The following FANCC variants were observed in gnomAD, a reference collection of about 807,000 sequenced individuals.
The protein encoded by FANCC is Fanconi anemia group C protein.
A neutral mutation model predicts 71.3 loss-of-function variants in FANCC; 55 were observed. That is an observed-to-expected ratio of 0.77 (90% confidence interval 0.62 to 0.97). The LOEUF (loss-of-function observed/expected upper bound fraction) is 0.97. Ranked by LOEUF, FANCC falls within the 50% of genes least tolerant of loss-of-function variation. The pLI, the probability that FANCC is intolerant of heterozygous loss-of-function variation, is 0.00. For synonymous variants in FANCC, 275 were observed against 244.9 expected (o/e 1.12, Z -1.15); for missense variants, 678 against 670.9 (o/e 1.01, Z -0.12).
At chr9:95,183,448 G>A (rs534519248) in intron 4 of FANCC, among the ~76,000 whole-genome samples, 51 of 152,350 alleles carry the variant, frequency 3.3e-4, no homozygotes, top group Middle Eastern at 6.8e-3. Flanking sequence ...CAAGAGCACA[G>A]ATTGCTCTCT....
chr9:95,292,587 C>A, intron 1 of FANCC: 3 of 1,461,346 alleles, frequency 2.1e-6, no homozygotes, highest in Non-Finnish European at 1.9e-6. Flanking sequence ...GCCCAACATC[C>A]TGTGCACCGT....
Position 95,142,821 on chromosome 9 carries a change from A to G in FANCC, c.686+7102T>C, listed in dbSNP as rs1209275004. 2.6e-5 allele frequency among the ~76,000 whole-genome samples: 4 copies of G among 152,106 alleles called. No homozygotes were observed. In the East Asian group the frequency reaches 7.7e-4, roughly 29 times the overall value. ...TATGTCAGTCACTCCCACTACTTAG[A>G]AGCTGTTTTTACTCACAGAGCACTT... is the stretch of plus-strand genomic sequence containing the variant. On this transcript the variant is annotated intron_variant, in intron 7 of 14. Coordinates refer to ENST00000289081, the MANE Select transcript of FANCC (RefSeq NM_000136.3).
chr9:95,140,476 AAAAACAAAAC>A (rs3837275), intron 7 of FANCC, among the ~76,000 whole-genome samples: 1 of 151,634 alleles, frequency 6.6e-6, no homozygotes, highest in Non-Finnish European at 1.5e-5. Context: ...ATAGCTACAA[AAAAACAAAAC>A]AAAACAAAAC....
intron 4 of FANCC, among the ~76,000 whole-genome samples, chr9:95,229,911 T>A (rs557213994): frequency 6.6e-6 from 1 of 152,270 alleles, no homozygotes; most frequent in South Asian, 2.1e-4. Flanking sequence ...AGGGAAAAAA[T>A]TCTGAATTAT....
intron 4 of FANCC, among the ~76,000 whole-genome samples, chr9:95,175,381 A>T (rs1825950108): frequency 6.6e-6 from 1 of 152,218 alleles, no homozygotes; most frequent in Non-Finnish European, 1.5e-5. Context: ...GGGTAAAAAC[A>T]GGAACCTTAC....
At chr9:95,163,916 TTTTA>T (rs374096795) in intron 6 of FANCC, among the ~76,000 whole-genome samples, 84 of 152,344 alleles carry the variant, frequency 5.5e-4, no homozygotes, top group African/African-American at 1.8e-3. Context: ...TGGGATATCT[TTTTA>T]TTTATTTATG....
chr9:95,247,357 T>C, intron 3 of FANCC, 75 bp downstream of exon 3: 1 of 1,086,998 alleles, frequency 9.2e-7, no homozygotes, highest in Non-Finnish European at 1.4e-6. Flanking sequence ...GGAGAAAGGT[T>C]CATAATGTAA....
In FANCC at chr9:95,249,259, A is replaced by G; in HGVS notation, c.33T>C (p.Asp11=). MAQDSVDLSC[D]YQFWMQKLSV... ...AAAGCTTCTGCATCCAAAACTGATA[A>G]TCACAAGAAAGATCTACTGAATCTT... The change falls in exon 2 of 15, where the codon GAT becomes GAC. Residue 11 remains aspartate, a synonymous_variant. Transcript: ENST00000289081. The G allele has an allele frequency of 6.2e-7, 1 of 1,614,152 alleles. No individual in the cohort carries two copies. Among genetic ancestry groups the G allele is most frequent in the East Asian group, 2.2e-5 (1 of 44,878 alleles).
chr9:95,289,608 A>C (rs763426605), intron 1 of FANCC, among the ~76,000 whole-genome samples: 2 of 152,226 alleles, frequency 1.3e-5, no homozygotes, highest in African/African-American at 4.8e-5. Flanking sequence ...TTGTTCATTC[A>C]AATTTTTAAA....
At chr9:95,180,534 T>G (rs1038974572) in intron 4 of FANCC, among the ~76,000 whole-genome samples, 6 of 151,916 alleles carry the variant, frequency 3.9e-5, no homozygotes, top group Non-Finnish European at 8.8e-5. Flanking sequence ...GAGGTAGGTC[T>G]CAGTATGTCA....
chr9:95,126,830 T>A (rs1826057775), intron 8 of FANCC: 2 of 483,248 alleles, frequency 4.1e-6, no homozygotes, highest in African/African-American at 3.9e-5. Flanking sequence ...ACATTTTCTA[T>A]AAAAGCTCAG....
intron 4 of FANCC, among the ~76,000 whole-genome samples, chr9:95,198,795 T>G (rs949879958): frequency 6.6e-6 from 1 of 152,182 alleles, no homozygotes; most frequent in Admixed American, 6.5e-5. Flanking sequence ...TGGAGTGCAG[T>G]GGCGCCATTA....
intron 4 of FANCC, among the ~76,000 whole-genome samples, chr9:95,178,777 T>C (rs1826169726): frequency 6.6e-6 from 1 of 152,234 alleles, no homozygotes; most frequent in Non-Finnish European, 1.5e-5. Flanking sequence ...AAAAATGTTA[T>C]TTCATTTTAT....
chr9:95,162,929 C>T (rs1283945959), intron 6 of FANCC, among the ~76,000 whole-genome samples: 2 of 152,116 alleles, frequency 1.3e-5, no homozygotes, highest in Non-Finnish European at 2.9e-5. Flanking sequence ...CTGTTGATTG[C>T]TTCCTTTGTT....
chr9:95,218,910 C>T (rs1196969527), intron 4 of FANCC, among the ~76,000 whole-genome samples: 1 of 152,188 alleles, frequency 6.6e-6, no homozygotes, highest in African/African-American at 2.4e-5. Flanking sequence ...AGCAAACACC[C>T]AATCAAGAAA....
chr9:95,242,853 T>G (rs192250828), intron 3 of FANCC, among the ~76,000 whole-genome samples: 1 of 152,140 alleles, frequency 6.6e-6, no homozygotes, highest in Non-Finnish European at 1.5e-5. Flanking sequence ...TCTGTCAGGC[T>G]CCTCCCTGGA....
intron 4 of FANCC, among the ~76,000 whole-genome samples, chr9:95,216,500 G>A (rs1828871118): frequency 6.6e-6 from 1 of 152,168 alleles, no homozygotes; most frequent in South Asian, 2.1e-4. Context: ...TGGGTCTGCT[G>A]CATTTCTGCT....
At chr9:95,138,220 T>G (rs999621599) in intron 7 of FANCC, among the ~76,000 whole-genome samples, 3 of 151,896 alleles carry the variant, frequency 2.0e-5, no homozygotes, top group African/African-American at 7.3e-5. Context: ...GCGGCTGAGG[T>G]TGGAGTGAGT....
intron 6 of FANCC, among the ~76,000 whole-genome samples, chr9:95,165,797 T>C (rs1831031257): frequency 6.6e-6 from 1 of 152,074 alleles, no homozygotes; most frequent in Non-Finnish European, 1.5e-5. Flanking sequence ...TAGGTCCAAT[T>C]GGTCCACAGC....
Sources: gnomAD v4.1 joint callset for allele counts (sites outside exome capture counted in the v4.1 genomes callset) on GRCh38, gnomAD v4.1.1 for gene constraint, MANE v1.5 for transcripts, NCBI Gene and HGNC (gene_info 2026-07-23, HGNC 2026-07-21) for gene names.